Variants in PCSK2 observed in about 807,000 individuals in gnomAD.
PCSK2 encodes proprotein convertase subtilisin/kexin type 2, also known as neuroendocrine convertase 2.
PCSK2 carries 14 observed loss-of-function variants against 69.7 expected under a neutral mutation model. The ratio of observed to expected loss-of-function variants is 0.20; its 90% confidence interval spans 0.13 to 0.31. The LOEUF (loss-of-function observed/expected upper bound fraction) is 0.31, where lower values mean the gene tolerates loss of function less well. PCSK2 is among the 10% of genes least tolerant of loss of function. PCSK2 has a pLI of 1.00. For missense variants in PCSK2, 544 were observed against 842.5 expected (o/e 0.65, Z 4.39); for synonymous variants, 307 against 320.7 (o/e 0.96, Z 0.46).
intron 5 of PCSK2, among the ~76,000 whole-genome samples, chr20:17,377,717 A>AAT (rs1328425225): frequency 1.4e-4 from 21 of 152,350 alleles, no homozygotes; most frequent in Middle Eastern, 3.4e-3. Context: ...GATCAGACTG[A>AAT]ATACTGAGAA....
intron 2 of PCSK2, among the ~76,000 whole-genome samples, chr20:17,305,184 T>G (rs967817154): frequency 6.6e-6 from 1 of 152,240 alleles, no homozygotes; most frequent in Non-Finnish European, 1.5e-5. Flanking sequence ...AATGTTTCTA[T>G]GGCCCAGGAA....
intron 5 of PCSK2, among the ~76,000 whole-genome samples, chr20:17,380,560 T>A (rs180930380): frequency 6.6e-6 from 1 of 152,196 alleles, no homozygotes; most frequent in Non-Finnish European, 1.5e-5. Flanking sequence ...TTAATAATAA[T>A]ACTGATCTTA....
intron 1 of PCSK2, among the ~76,000 whole-genome samples, chr20:17,259,536 A>T (rs1987300359): frequency 6.6e-6 from 1 of 152,182 alleles, no homozygotes; most frequent in Non-Finnish European, 1.5e-5. Flanking sequence ...CCACCAAGTT[A>T]CCTTGAATCA....
At chr20:17,460,276 AG>A (rs1368376962) in intron 10 of PCSK2, among the ~76,000 whole-genome samples, 1 of 152,114 alleles carries the variant, frequency 6.6e-6, no homozygotes, top group Non-Finnish European at 1.5e-5. Context: ...AAATAAAAAA[AG>A]AAAGAAAGAA....
intron 7 of PCSK2, among the ~76,000 whole-genome samples, chr20:17,435,279 T>A (rs763574394): frequency 2.0e-5 from 3 of 152,242 alleles, no homozygotes; most frequent in Non-Finnish European, 4.4e-5. Context: ...AAGCATCATG[T>A]TGATCCTCAA....
chr20:17,315,067 A>G (rs1465841149), intron 2 of PCSK2, among the ~76,000 whole-genome samples: 1 of 152,160 alleles, frequency 6.6e-6, no homozygotes. Flanking sequence ...ACTCTATCGA[A>G]GTCTCCCCGA....
intron 2 of PCSK2, among the ~76,000 whole-genome samples, chr20:17,339,632 C>T (rs576518770): frequency 2.0e-5 from 3 of 152,184 alleles, no homozygotes; most frequent in South Asian, 4.2e-4. Context: ...TGAAGTGAGC[C>T]TTTCATTCTC....
intron 2 of PCSK2, among the ~76,000 whole-genome samples, chr20:17,300,628 G>A (rs1444726481): frequency 6.6e-6 from 1 of 152,152 alleles, no homozygotes; most frequent in Non-Finnish European, 1.5e-5. Flanking sequence ...GTGGTCAAGG[G>A]AAAGTTGAAC....
intron 2 of PCSK2, among the ~76,000 whole-genome samples, chr20:17,316,853 C>T (rs1414187103): frequency 6.6e-6 from 1 of 152,032 alleles, no homozygotes; most frequent in Non-Finnish European, 1.5e-5. Flanking sequence ...TTGAATGCAC[C>T]AGGAGATTTC....
chr20:17,290,360 T>G (rs936739257), intron 2 of PCSK2, among the ~76,000 whole-genome samples: 1 of 152,238 alleles, frequency 6.6e-6, no homozygotes, highest in Non-Finnish European at 1.5e-5. Flanking sequence ...TCAGCCCATT[T>G]TCTACCATTC....
At position 17,433,814 on chromosome 20, in the gene PCSK2, C is replaced by CT. The variant is rs1555795288; in HGVS notation, c.710-2894_710-2893insT. ...CTCTCTCTCTCTCTCTCTCTCTCTC[C>CT]CCCCACTTCCTTCCCTCCTCCTCCT... On this transcript the variant is annotated intron_variant, in intron 7 of 11. Coordinates refer to ENST00000262545, the MANE Select transcript of PCSK2 (RefSeq NM_002594.5). Among the ~76,000 whole-genome samples, 275 of 70,862 alleles carry CT rather than the reference C, an allele frequency of 3.9e-3. 16 individuals are homozygous for CT. Among genetic ancestry groups the CT allele is most frequent in the African/African-American group, 0.013 (179 of 14,184 alleles). 46.5% of individuals were successfully genotyped at this position (70,862 alleles called of 152,430 possible).
intron 5 of PCSK2, among the ~76,000 whole-genome samples, chr20:17,389,110 A>C (rs1344770379): frequency 6.6e-6 from 1 of 151,320 alleles, no homozygotes. Flanking sequence ...TTTTTACTTA[A>C]CTGATTCACT....
intron 5 of PCSK2, among the ~76,000 whole-genome samples, chr20:17,391,288 T>C (rs2031365518): frequency 6.6e-6 from 1 of 152,162 alleles, no homozygotes; most frequent in African/African-American, 2.4e-5. Flanking sequence ...ATTCAAAGAT[T>C]CTCCGATGCC....
chr20:17,440,115 T>C (rs1467773191), intron 8 of PCSK2, among the ~76,000 whole-genome samples: 2 of 152,244 alleles, frequency 1.3e-5, no homozygotes, highest in Non-Finnish European at 2.9e-5. Context: ...ACCTCAGTCC[T>C]GCCCCCCATT....
intron 2 of PCSK2, among the ~76,000 whole-genome samples, chr20:17,307,883 C>G (rs1452953348): frequency 6.6e-6 from 1 of 152,198 alleles, no homozygotes; most frequent in Non-Finnish European, 1.5e-5. Context: ...TTAATTGGCT[C>G]ATGGTTCTGC....
At chr20:17,336,637 T>C (rs886699965) in intron 2 of PCSK2, among the ~76,000 whole-genome samples, 18 of 152,332 alleles carry the variant, frequency 1.2e-4, no homozygotes, top group Non-Finnish European at 2.2e-4. Context: ...AAGCAGCAGG[T>C]GCCCCCACTA....
intron 2 of PCSK2, among the ~76,000 whole-genome samples, chr20:17,302,021 T>C (rs1568592343): frequency 6.6e-6 from 1 of 152,102 alleles, no homozygotes; most frequent in Non-Finnish European, 1.5e-5. Context: ...TCAAAGTGTG[T>C]GAACCCAGAA....
intron 4 of PCSK2, among the ~76,000 whole-genome samples, chr20:17,368,262 G>A (rs1231081571): frequency 6.6e-6 from 1 of 152,014 alleles, no homozygotes; most frequent in African/African-American, 2.4e-5. Flanking sequence ...CCAGCTGCTG[G>A]GCCAAGCATA....
intron 4 of PCSK2, among the ~76,000 whole-genome samples, chr20:17,363,597 C>G (rs950982211): frequency 6.6e-6 from 1 of 152,102 alleles, no homozygotes; most frequent in Non-Finnish European, 1.5e-5. Context: ...AAGAGTAATT[C>G]AGGGCAGATG....
Sources: gnomAD v4.1 joint callset for allele counts (sites outside exome capture counted in the v4.1 genomes callset) on GRCh38, gnomAD v4.1.1 for gene constraint, MANE v1.5 for transcripts, NCBI Gene and HGNC (gene_info 2026-07-23, HGNC 2026-07-21) for gene names.